Variants in CDH18 observed in about 807,000 individuals in gnomAD.
The protein encoded by CDH18 is cadherin-18.
A neutral mutation model predicts 67.9 loss-of-function variants in CDH18; 31 were observed. That is an observed-to-expected ratio of 0.46 (90% CI 0.34 to 0.62). CDH18 has a LOEUF of 0.62. Ranked by LOEUF, CDH18 falls within the 20% of genes least tolerant of loss-of-function variation. The probability of loss-of-function intolerance (pLI) is 0.01; values close to 1 mark genes in which losing one functional copy is unlikely to be tolerated. For synonymous variants in CDH18, 362 were observed against 347.2 expected (o/e 1.04, Z -0.48); for missense variants, 890 against 975.5 (o/e 0.91, Z 1.17).
intron 1 of CDH18, among the ~76,000 whole-genome samples, chr5:20,351,377 A>G (rs1741174165): frequency 6.6e-6 from 1 of 152,032 alleles, no homozygotes; most frequent in Non-Finnish European, 1.5e-5. Context: ...GAAATATTTT[A>G]TTTGCAATAT....
Position 20,462,126 on chromosome 5 carries a change from A to C in CDH18, c.-580+113336T>G, listed in dbSNP as rs149185900. Among the ~76,000 whole-genome samples, 536 of 152,340 alleles carry C rather than the reference A, an allele frequency of 3.5e-3. 2 individuals carry two copies. The highest frequency in any genetic ancestry group is 0.012 in the African/African-American group (501 of 41,584). ...GCATATGGAATCAACTTAAGAATCT[A>C]TCATTGAATAAATGAATAAAGGAAA... On this transcript the variant is annotated intron_variant, in intron 1 of 14. Transcript: ENST00000507958.
At chr5:19,636,763 T>G (rs1186432006) in intron 5 of CDH18, among the ~76,000 whole-genome samples, 1 of 151,748 alleles carries the variant, frequency 6.6e-6, no homozygotes, top group Non-Finnish European at 1.5e-5. Context: ...ATGTTCACAG[T>G]TTCTTACAAG....
chr5:19,611,135 C>T (rs1369818132), intron 6 of CDH18, among the ~76,000 whole-genome samples: 2 of 152,166 alleles, frequency 1.3e-5, no homozygotes, highest in Non-Finnish European at 2.9e-5. Context: ...AATTAAGCGT[C>T]TTCCTAGAGG....
chr5:20,508,359 A>T (rs867393081), intron 1 of CDH18, among the ~76,000 whole-genome samples: 1 of 101,164 alleles, frequency 9.9e-6, no homozygotes, highest in African/African-American at 3.5e-5. Flanking sequence ...ATATATATAT[A>T]TATATATGTA....
intron 5 of CDH18, among the ~76,000 whole-genome samples, chr5:19,647,527 CAAAAAA>C (rs3062888): frequency 3.5e-5 from 1 of 28,800 alleles, no homozygotes; most frequent in Non-Finnish European, 5.8e-5. Context: ...GAGACTCCAT[CAAAAAA>C]AAAAAAAAAA....
At chr5:20,225,206 T>C (rs1741520405) in intron 2 of CDH18, among the ~76,000 whole-genome samples, 1 of 152,168 alleles carries the variant, frequency 6.6e-6, no homozygotes, top group Non-Finnish European at 1.5e-5. Flanking sequence ...TGTTGTATTT[T>C]TCCTTCACAG....
At chr5:20,126,464 A>T (rs978103233) in intron 2 of CDH18, among the ~76,000 whole-genome samples, 1 of 152,218 alleles carries the variant, frequency 6.6e-6, no homozygotes, top group African/African-American at 2.4e-5. Context: ...GAGAGGTGGG[A>T]TAACATCAAA....
At chr5:20,316,201 T>G (rs1386662280) in intron 1 of CDH18, among the ~76,000 whole-genome samples, 2 of 152,112 alleles carry the variant, frequency 1.3e-5, no homozygotes, top group South Asian at 4.1e-4. Flanking sequence ...TTTTGAAAAT[T>G]GTTAAATCCA....
At chr5:19,777,242 T>G (rs1774498156) in intron 3 of CDH18, among the ~76,000 whole-genome samples, 1 of 152,150 alleles carries the variant, frequency 6.6e-6, no homozygotes, top group Admixed American at 6.5e-5. Context: ...ATCGCATCAT[T>G]CCACTCCAGC....
chr5:19,902,081 A>C (rs1026695261), intron 2 of CDH18, among the ~76,000 whole-genome samples: 1 of 152,162 alleles, frequency 6.6e-6, no homozygotes, highest in Non-Finnish European at 1.5e-5. Flanking sequence ...AAAATGTGAG[A>C]GCAATACTGA....
intron 1 of CDH18, among the ~76,000 whole-genome samples, chr5:20,571,141 A>T (rs1198213112): frequency 6.6e-6 from 1 of 152,034 alleles, no homozygotes; most frequent in African/African-American, 2.4e-5. Flanking sequence ...TTTTTCTCAT[A>T]CTCTGTGAGA....
At chr5:19,884,210 A>T (rs977794266) in intron 2 of CDH18, among the ~76,000 whole-genome samples, 1 of 152,128 alleles carries the variant, frequency 6.6e-6, no homozygotes, top group Non-Finnish European at 1.5e-5. Context: ...ATTTTGCGGC[A>T]AGGTCGCCTA....
At chr5:19,638,201 G>A (rs540069349) in intron 5 of CDH18, among the ~76,000 whole-genome samples, 1 of 152,262 alleles carries the variant, frequency 6.6e-6, no homozygotes, top group South Asian at 2.1e-4. Context: ...CATTAATGTT[G>A]CATACAGCCT....
chr5:19,527,672 A>G (rs1446446191), intron 9 of CDH18, among the ~76,000 whole-genome samples: 1 of 151,864 alleles, frequency 6.6e-6, no homozygotes, highest in African/African-American at 2.4e-5. Context: ...TAACACGTGT[A>G]GAAATATTTC....
chr5:19,719,903 G>GAGAAAGAAAGAAAGAAAGAGAA (rs1765811646), intron 5 of CDH18, among the ~76,000 whole-genome samples: 19 of 130,956 alleles, frequency 1.5e-4, no homozygotes, highest in African/African-American at 5.7e-4. Context: ...AGTTAAGCAA[G>GAGAAAGAAAGAAAGAAAGAGAA]AGAAAGAAAG....
chr5:20,133,901 GCT>G (rs1580318759), intron 2 of CDH18, among the ~76,000 whole-genome samples: 1 of 152,018 alleles, frequency 6.6e-6, no homozygotes, highest in African/African-American at 2.4e-5. Context: ...ATTCTGTTCT[GCT>G]CTCTCTTACT....
At chr5:20,003,620 C>T (rs929629481) in intron 2 of CDH18, among the ~76,000 whole-genome samples, 3 of 152,124 alleles carry the variant, frequency 2.0e-5, no homozygotes, top group African/African-American at 7.2e-5. Context: ...ATAGGCCGGT[C>T]GCGGTGGCTC....
intron 1 of CDH18, among the ~76,000 whole-genome samples, chr5:20,415,648 C>T (rs1747240069): frequency 1.3e-5 from 2 of 151,764 alleles, no homozygotes; most frequent in Admixed American, 6.6e-5. Flanking sequence ...TGGTGGGCAC[C>T]TGCAGTCCCA....
rs752187341 is a variant in CDH18 at position 19,543,998 on chromosome 5, T to C, written c.1261A>G (p.Ile421Val). The C allele has an allele frequency of 3.9e-6, 6 of 1,557,584 alleles. No homozygotes were observed. The highest frequency in any genetic ancestry group is 5.2e-6 in the Non-Finnish European group (6 of 1,143,530). The change falls in exon 9 of 13, where the codon ATC becomes GTC. Residue 421 changes from isoleucine (I) to valine (V), a missense_variant. By Grantham distance (29) the Ile-to-Val change is conservative. This residue lies in a region of CDH18 where 656 missense variants were observed against 668.1 expected (regional missense o/e 0.98). Coordinates refer to ENST00000382275, the MANE Select transcript of CDH18 (RefSeq NM_004934.5). ...CTGTCGTCTTCAACATTGTAGTTGA[T>C]GAAGTATCTAGAGAAAAAAAGAGAA... is the stretch of plus-strand genomic sequence containing the variant. ...DSTNSLVRYF[I>V]NYNVEDDRFF...
Sources: gnomAD v4.1 joint callset for allele counts (sites outside exome capture counted in the v4.1 genomes callset) on GRCh38, gnomAD v4.1.1 for gene constraint, gnomAD v4.1.1 regional missense constraint, MANE v1.5 for transcripts, NCBI Gene and HGNC (gene_info 2026-07-23, HGNC 2026-07-21) for gene names.